Variants in LZTFL1 observed in about 807,000 individuals in gnomAD.
The protein encoded by LZTFL1 is leucine zipper transcription factor like 1.
LZTFL1 carries 25 observed loss-of-function variants against 45.9 expected under a neutral mutation model. That is an observed-to-expected ratio of 0.54 (90% confidence interval 0.40 to 0.76). The LOEUF (loss-of-function observed/expected upper bound fraction) is 0.76, where lower values mean the gene tolerates loss of function less well. Ranked by LOEUF, LZTFL1 falls within the 30% of genes least tolerant of loss-of-function variation. The pLI is 0.00. For synonymous variants in LZTFL1, 93 were observed against 117.4 expected, an observed-to-expected ratio of 0.79 and a Z score of 1.35; for missense variants, 277 against 331.1, an observed-to-expected ratio of 0.84 and a Z score of 1.27.
intron 2 of LZTFL1, among the ~76,000 whole-genome samples, chr3:45,895,707 CTG>C (rs1702332431): frequency 6.7e-6 from 1 of 148,566 alleles, no homozygotes; most frequent in African/African-American, 2.5e-5. Context: ...GAGCGAGACT[CTG>C]TCTTAAAAAA....
At chr3:45,895,252 G>A (rs753144076) in intron 2 of LZTFL1, 62 of 462,248 alleles carry the variant, frequency 1.3e-4, no homozygotes, top group Middle Eastern at 1.1e-3. Context: ...CCATATGCCT[G>A]TTCTAAAACT....
chr3:45,831,219 C>G (rs775145647), intron 5 of LZTFL1, 81 bp from the exon 6 acceptor site: 17 of 801,218 alleles, frequency 2.1e-5, no homozygotes, highest in Non-Finnish European at 3.0e-5. Context: ...ACTTAAAAAT[C>G]TAATTTTTAA....
intron 2 of LZTFL1, among the ~76,000 whole-genome samples, chr3:45,890,603 T>C (rs1702147942): frequency 6.6e-6 from 1 of 151,470 alleles, no homozygotes; most frequent in African/African-American, 2.4e-5. Context: ...CCTGGAGTCA[T>C]GCCAAGCAGG....
chr3:45,886,888 T>C (rs1701997856), intron 2 of LZTFL1, among the ~76,000 whole-genome samples: 1 of 152,140 alleles, frequency 6.6e-6, no homozygotes, highest in African/African-American at 2.4e-5. Context: ...TACATGAAGC[T>C]TAGGCTTAAG....
At chr3:45,908,847 T>C (rs1277902312) in intron 2 of LZTFL1, among the ~76,000 whole-genome samples, 1 of 152,198 alleles carries the variant, frequency 6.6e-6, no homozygotes, top group African/African-American at 2.4e-5. Flanking sequence ...CCCCAACCCC[T>C]GGGCCACAGA....
intron 5 of LZTFL1, among the ~76,000 whole-genome samples, chr3:45,831,846 A>T (rs1214672509): frequency 6.6e-6 from 1 of 152,116 alleles, no homozygotes; most frequent in Non-Finnish European, 1.5e-5. Flanking sequence ...CACACAACTG[A>T]GTCTTCTCTG....
chr3:45,860,507 C>T (rs1328078857), intron 2 of LZTFL1, among the ~76,000 whole-genome samples: 1 of 151,756 alleles, frequency 6.6e-6, no homozygotes, highest in Admixed American at 6.6e-5. Flanking sequence ...AGTAGTAACA[C>T]CAGCAAATGT....
chr3:45,838,450 C>T lies in LZTFL1; in HGVS notation c.4-399G>A, dbSNP rs531519921. 1.4e-4 allele frequency among the ~76,000 whole-genome samples: 21 copies of T among 152,324 alleles called. 1 individual carries two copies. The Middle Eastern group carries it at 0.02, about 148-fold the overall frequency. On this transcript the variant is annotated intron_variant, in intron 1 of 9. Coordinates refer to ENST00000296135, the MANE Select transcript of LZTFL1 (RefSeq NM_020347.4). The stretch of plus-strand genomic sequence containing the variant: ...TCTCTACCTCATGGAGAGGCACTGA[C>T]CCTCTCACTGAACTGAGATGAGCAG...
chr3:45,842,103 G>C lies in LZTFL1; in HGVS notation c.-112C>G. The C allele has an allele frequency of 6.4e-7, 1 of 1,554,448 alleles. No homozygotes were observed. The highest frequency in any genetic ancestry group is 8.7e-7 in the Non-Finnish European group (1 of 1,153,662). ...CACAGAAAATGGGGAAGGAGGGTAG[G>C]TTGTTTAGAAGCCTCTGGTTGCTAA... On this transcript the variant is annotated 5_prime_UTR_variant, in exon 1 of 10. Transcript: ENST00000296135.
At chr3:45,913,532 A>G (rs939489842) in intron 1 of LZTFL1, among the ~76,000 whole-genome samples, 1 of 152,222 alleles carries the variant, frequency 6.6e-6, no homozygotes, top group Non-Finnish European at 1.5e-5. Context: ...TTCATTTCCG[A>G]GTGGAGATAA....
At chr3:45,874,222 G>A (rs1049914271) in intron 2 of LZTFL1, among the ~76,000 whole-genome samples, 6 of 152,002 alleles carry the variant, frequency 3.9e-5, no homozygotes, top group African/African-American at 1.5e-4. Flanking sequence ...TTTCTCTAAG[G>A]GTCCACAACT....
upstream of LZTFL1, among the ~76,000 whole-genome samples, chr3:45,846,928 G>C (rs1701226473): frequency 6.6e-6 from 1 of 152,128 alleles, no homozygotes; most frequent in African/African-American, 2.4e-5. Context: ...CCATTTGCAT[G>C]TTTCAGTGCC....
chr3:45,830,275 C>A (rs572841906), intron 7 of LZTFL1, among the ~76,000 whole-genome samples: 3 of 152,186 alleles, frequency 2.0e-5, no homozygotes, highest in African/African-American at 7.2e-5. Context: ...AATCATACTG[C>A]AGCATGCACA....
intron 4 of LZTFL1, among the ~76,000 whole-genome samples, chr3:45,850,749 G>T (rs1401607017): frequency 6.6e-6 from 1 of 151,984 alleles, no homozygotes; most frequent in African/African-American, 2.4e-5. Context: ...TGTACCTATG[G>T]GTGGCTGGTA....
chr3:45,904,402 GA>G (rs1424757499), intron 2 of LZTFL1, among the ~76,000 whole-genome samples: 1 of 152,204 alleles, frequency 6.6e-6, no homozygotes, highest in African/African-American at 2.4e-5. Context: ...GAACTGACTA[GA>G]CCAGGACTGG....
At chr3:45,882,904 A>T (rs2125728866) in intron 2 of LZTFL1, among the ~76,000 whole-genome samples, 1 of 152,038 alleles carries the variant, frequency 6.6e-6, no homozygotes, top group Middle Eastern at 3.4e-3. Flanking sequence ...TGGGAAAATA[A>T]CAGTTTATTA....
At chr3:45,860,130 T>C (rs1701461573) in intron 2 of LZTFL1, among the ~76,000 whole-genome samples, 1 of 152,164 alleles carries the variant, frequency 6.6e-6, no homozygotes, top group Non-Finnish European at 1.5e-5. Context: ...GAGGATGGTT[T>C]GAGCCCAGAA....
intron 2 of LZTFL1, among the ~76,000 whole-genome samples, chr3:45,885,326 C>T (rs1701950743): frequency 1.3e-5 from 2 of 152,222 alleles, no homozygotes; most frequent in Non-Finnish European, 2.9e-5. Flanking sequence ...TCATTAATCA[C>T]ATCAGGATTG....
chr3:45,901,100 G>A lies in LZTFL1; in HGVS notation c.-215+12020C>T. On this transcript the variant is annotated intron_variant, in intron 2 of 4. Transcript: ENST00000472635. The surrounding 1 kb of genome is among the most constrained non-coding windows in gnomAD (Gnocchi z 4.3). ...TCTTTCTTGTCACTCTTCCCTTCTG[G>A]GCCATTGCTGCTGCTGACCAGTGGA... is the stretch of plus-strand genomic sequence containing the variant. 6.2e-7 allele frequency: 1 copy of A among 1,614,036 alleles called. No homozygotes were observed. The highest frequency in any genetic ancestry group is 8.5e-7 in the Non-Finnish European group (1 of 1,179,998).
Sources: allele counts gnomAD v4.1 joint callset (sites outside exome capture counted in the v4.1 genomes callset), GRCh38; gene constraint gnomAD v4.1.1; non-coding constraint Gnocchi (gnomAD v3.1); transcripts MANE v1.5; gene names NCBI Gene and HGNC (gene_info 2026-07-23, HGNC 2026-07-21).